OLFM3: variants seen among roughly 807,000 people sequenced by gnomAD.
OLFM3 encodes noelin-3.
A neutral mutation model predicts 48.6 loss-of-function variants in OLFM3; 20 were observed. That is an observed-to-expected ratio of 0.41 (90% confidence interval 0.29 to 0.60). The LOEUF is 0.60. Ranked by LOEUF, OLFM3 falls within the 20% of genes least tolerant of loss-of-function variation. The pLI, the probability that OLFM3 is intolerant of heterozygous loss-of-function variation, is 0.28. For synonymous variants in OLFM3, 222 were observed against 198.1 expected (o/e 1.12, Z -1.01); for missense variants, 437 against 544.3 (o/e 0.80, Z 1.96).
intron 1 of OLFM3, among the ~76,000 whole-genome samples, chr1:101,855,232 A>T (rs1473673325): frequency 2.6e-5 from 4 of 152,066 alleles, no homozygotes; most frequent in African/African-American, 7.2e-5. Flanking sequence ...TATTCTAAGA[A>T]CTTTACATGT....
chr1:101,836,348 T>C (rs572665468), intron 2 of OLFM3, among the ~76,000 whole-genome samples: 4 of 152,312 alleles, frequency 2.6e-5, no homozygotes, highest in Admixed American at 2.0e-4. Flanking sequence ...TTGTTATGAA[T>C]CCATATTAAG....
chr1:101,870,185 G>C (rs1035110858), intron 1 of OLFM3, among the ~76,000 whole-genome samples: 3 of 151,874 alleles, frequency 2.0e-5, no homozygotes, highest in African/African-American at 7.3e-5. Context: ...CAAAATAATT[G>C]CTTCACCTTC....
chr1:101,903,747 A>G (rs1046329007), intron 1 of OLFM3, among the ~76,000 whole-genome samples: 1 of 152,160 alleles, frequency 6.6e-6, no homozygotes, highest in East Asian at 1.9e-4. Flanking sequence ...ATATATTTCA[A>G]TGCACGTCCT....
intron 1 of OLFM3, among the ~76,000 whole-genome samples, chr1:101,903,683 A>G (rs971504047): frequency 3.3e-5 from 5 of 152,090 alleles, no homozygotes; most frequent in African/African-American, 1.2e-4. Context: ...TGTTTCCTGC[A>G]TGTCCTATCA....
rs952745003 is a variant in OLFM3, at chr1:101,802,981, T to C, written c.*1257A>G. On this transcript the variant is annotated 3_prime_UTR_variant, in exon 6 of 6. Transcript: ENST00000370103. ...GCTCTTCCCTTTTGGTTACATTATT[T>C]TTCCACATACAGTGAATCAAGGTAA... The C allele has an allele frequency of 6.6e-6, 1 of 151,774 alleles. No homozygotes were observed. The highest frequency in any genetic ancestry group is 1.5e-5 in the Non-Finnish European group (1 of 67,720). 9.4% of individuals were successfully genotyped at this position (151,774 alleles called of 1,614,324 possible). A position where few individuals can be genotyped will look rare whatever the true frequency, so the allele number is the denominator to read the frequency against.
intron 4 of OLFM3, among the ~76,000 whole-genome samples, chr1:101,809,157 G>A (rs1266734839): frequency 2.0e-5 from 3 of 150,268 alleles, no homozygotes; most frequent in Non-Finnish European, 3.0e-5. Context: ...AAAGAGGGGA[G>A]AAAATTATCA....
intron 1 of OLFM3, among the ~76,000 whole-genome samples, chr1:101,862,009 C>T (rs1656676471): frequency 6.6e-6 from 1 of 152,098 alleles, no homozygotes. Flanking sequence ...TTTAGGCATA[C>T]TTAAATAAAG....
At chr1:101,885,987 T>C (rs1657741364) in intron 1 of OLFM3, among the ~76,000 whole-genome samples, 1 of 152,072 alleles carries the variant, frequency 6.6e-6, no homozygotes, top group Non-Finnish European at 1.5e-5. Context: ...TAGATATTAG[T>C]GACAAAGGAA....
chr1:101,959,121 C>G (rs913766384), intron 1 of OLFM3, among the ~76,000 whole-genome samples: 2 of 151,764 alleles, frequency 1.3e-5, no homozygotes, highest in African/African-American at 4.8e-5. Flanking sequence ...AACTTTTGAC[C>G]AGGAGGTGTT....
intron 1 of OLFM3, among the ~76,000 whole-genome samples, chr1:101,968,293 C>T (rs946329246): frequency 6.6e-6 from 1 of 151,488 alleles, no homozygotes; most frequent in African/African-American, 2.4e-5. Flanking sequence ...CTCTCCTCAT[C>T]CAGAAGAAAA....
intron 1 of OLFM3, among the ~76,000 whole-genome samples, chr1:101,897,107 T>C (rs1308373538): frequency 6.6e-6 from 1 of 152,170 alleles, no homozygotes; most frequent in African/African-American, 2.4e-5. Context: ...CTCCACATTT[T>C]GTAACTGCAG....
intron 4 of OLFM3, among the ~76,000 whole-genome samples, chr1:101,819,021 A>G (rs1654473983): frequency 6.6e-6 from 1 of 152,138 alleles, no homozygotes; most frequent in African/African-American, 2.4e-5. Flanking sequence ...AAGATTTAAA[A>G]CAGAAAAACA....
intron 1 of OLFM3, among the ~76,000 whole-genome samples, chr1:101,974,986 A>G (rs1219587594): frequency 6.6e-6 from 1 of 152,196 alleles, no homozygotes; most frequent in Non-Finnish European, 1.5e-5. Context: ...TTACCATGGC[A>G]TTTGTCTTCT....
At chr1:101,807,224 T>C (rs1653818811) in intron 4 of OLFM3, among the ~76,000 whole-genome samples, 1 of 151,764 alleles carries the variant, frequency 6.6e-6, no homozygotes, top group South Asian at 2.1e-4. Flanking sequence ...TTATGAGATT[T>C]TTGAACAGCA....
intron 1 of OLFM3, among the ~76,000 whole-genome samples, chr1:101,984,206 T>C (rs1661173091): frequency 2.2e-5 from 3 of 135,998 alleles, no homozygotes; most frequent in African/African-American, 8.5e-5. Context: ...ACCACTGCAC[T>C]CTAGCCTGGG....
chr1:101,830,816 C>G lies in OLFM3; in HGVS notation c.228G>C (p.Met76Ile), dbSNP rs1360010636. ...LRQLLEKVQN[M>I]SQSIEVLNLR... ...AGTTTAAGACTTCAATAGACTGGGA[C>G]ATGTTCTGAACCTGTTGAACAAGAA... is the stretch of plus-strand genomic sequence containing the variant. The change falls in exon 3 of 6, where the codon ATG becomes ATC. Residue 76 changes from methionine to isoleucine, a missense_variant. By Grantham distance (10) the Met-to-Ile change is conservative. Coordinates refer to ENST00000370103, the MANE Select transcript of OLFM3 (RefSeq NM_058170.4). 7 of 1,613,560 alleles carry G rather than the reference C, an allele frequency of 4.3e-6. No homozygotes were observed. Among genetic ancestry groups the G allele is most frequent in the African/African-American group, 1.3e-5 (1 of 74,862 alleles).
intron 1 of OLFM3, among the ~76,000 whole-genome samples, chr1:101,917,318 G>T (rs1363560690): frequency 6.6e-6 from 1 of 152,126 alleles, no homozygotes; most frequent in Non-Finnish European, 1.5e-5. Context: ...TAAGCAAACT[G>T]TTTTCAGAAA....
At chr1:101,976,892 G>T (rs187395416) in intron 1 of OLFM3, among the ~76,000 whole-genome samples, 1 of 152,080 alleles carries the variant, frequency 6.6e-6, no homozygotes, top group Non-Finnish European at 1.5e-5. Context: ...AGATGTACTT[G>T]GTTTGATAGT....
At chr1:101,951,080 T>C (rs1660132290) in intron 1 of OLFM3, among the ~76,000 whole-genome samples, 1 of 152,244 alleles carries the variant, frequency 6.6e-6, no homozygotes, top group Non-Finnish European at 1.5e-5. Flanking sequence ...GAATGATTTA[T>C]ATTGCTTTGA....
Sources: allele counts gnomAD v4.1 joint callset (sites outside exome capture counted in the v4.1 genomes callset), GRCh38; gene constraint gnomAD v4.1.1; transcripts MANE v1.5; gene names NCBI Gene and HGNC (gene_info 2026-07-23, HGNC 2026-07-21).